Variants in GSE1 observed in about 807,000 individuals in gnomAD.
The protein encoded by GSE1 is genetic suppressor element 1.
GSE1 carries 32 observed loss-of-function variants against 112.6 expected under a neutral mutation model. That is an observed-to-expected ratio of 0.28 (90% confidence interval 0.21 to 0.38). The LOEUF (loss-of-function observed/expected upper bound fraction) is 0.38, where lower values mean the gene tolerates loss of function less well. GSE1 is among the 10% of genes least tolerant of loss of function. GSE1 has a pLI of 1.00. For missense variants in GSE1, 2,348 were observed against 1,699.2 expected, an observed-to-expected ratio of 1.38 and a Z score of -6.71; for synonymous variants, 1,115 against 735.6, an observed-to-expected ratio of 1.52 and a Z score of -8.35.
At position 85,548,140 on chromosome 16, in the gene GSE1, A is replaced by T. The variant is rs111581483; in HGVS notation, c.2465-85774A>T. Among the ~76,000 whole-genome samples the T allele has an allele frequency of 3.0e-3, 458 of 151,452 alleles. 3 individuals carry two copies. The highest frequency in any genetic ancestry group is 0.01 in the African/African-American group (433 of 41,292). On this transcript the variant is annotated intron_variant, in intron 2 of 2. Coordinates refer to the GSE1 transcript ENST00000637419. ...GCTACTCTGGAGGCTGAGGCAGGAG[A>T]ATCACTTGAACCAGGGAGTCAGAGG...
At chr16:85,314,291 C>G (rs552907475) in intron 1 of GSE1, among the ~76,000 whole-genome samples, 2 of 152,128 alleles carry the variant, frequency 1.3e-5, no homozygotes, top group African/African-American at 4.8e-5. Flanking sequence ...AATAGGGGGA[C>G]GTGAATGCTG....
At chr16:85,247,011 G>A (rs1567636922) in intron 1 of GSE1, among the ~76,000 whole-genome samples, 1 of 152,028 alleles carries the variant, frequency 6.6e-6, no homozygotes, top group Non-Finnish European at 1.5e-5. Flanking sequence ...CCCTAGAGGG[G>A]GGCACCGCCT....
chr16:85,178,451 A>G (rs1195437510), intron 1 of GSE1, among the ~76,000 whole-genome samples: 4 of 152,144 alleles, frequency 2.6e-5, no homozygotes, highest in Admixed American at 2.0e-4. Context: ...GTGTCAATCA[A>G]TCTGAATTTA....
In GSE1 at chr16:85,566,089, G is replaced by A. The variant is rs148103962; in HGVS notation, c.37+9726G>A. 4.6e-3 allele frequency among the ~76,000 whole-genome samples: 703 copies of A among 152,320 alleles called. 4 individuals are homozygous for A. Among genetic ancestry groups the A allele is most frequent in the Non-Finnish European group, 7.5e-3 (510 of 68,010 alleles). ...CCTCCTGGGGCTGCTGACAGTGTTC[G>A]ATGAGTTAACTGGCAGAAGGGAGGG... is the stretch of plus-strand genomic sequence containing the variant. On this transcript the variant is annotated intron_variant, in intron 1 of 2. Coordinates refer to the GSE1 transcript ENST00000635906.
Position 85,656,390 on chromosome 16 carries a change from A to G in GSE1, c.1037A>G (p.Glu346Gly), listed in dbSNP as rs2051940717. The G allele has an allele frequency of 6.3e-7, 1 of 1,577,346 alleles. No individual in the cohort carries two copies. Among genetic ancestry groups the G allele is most frequent in the African/African-American group, 1.4e-5 (1 of 69,534 alleles). The part of the protein sequence containing the change: ...ELRRERERER[E>G]REREREADRE... Reference sequence around the variant, plus strand: ...AGGCGGGAGAGGGAGCGCGAGCGCGAGCGCGAGCGTGAGCGTGAGGCTGAC... The same window carrying G: ...AGGCGGGAGAGGGAGCGCGAGCGCGGGCGCGAGCGTGAGCGTGAGGCTGAC... The change falls in exon 7 of 16, where the codon GAG becomes GGG. Residue 346 changes from glutamate to glycine, a missense_variant. Transcript: ENST00000253458.
intron 1 of GSE1, among the ~76,000 whole-genome samples, chr16:85,188,137 T>G (rs971664105): frequency 3.3e-5 from 5 of 152,154 alleles, no homozygotes; most frequent in African/African-American, 4.8e-5. Context: ...GGAGGGTACC[T>G]GGGATCCAGG....
At chr16:85,379,393 G>C (rs1475942965) in intron 2 of GSE1, among the ~76,000 whole-genome samples, 1 of 152,214 alleles carries the variant, frequency 6.6e-6, no homozygotes. Flanking sequence ...GAAAAACCTT[G>C]TCAGATGTAG....
At chr16:85,481,085 G>A (rs2050667567) in intron 2 of GSE1, among the ~76,000 whole-genome samples, 1 of 152,142 alleles carries the variant, frequency 6.6e-6, no homozygotes, top group African/African-American at 2.4e-5. Flanking sequence ...TCTCCAACCG[G>A]CCCTGACACC....
chr16:85,633,013 T>TGCCGCCGCC (rs71153808), intron 1 of GSE1, among the ~76,000 whole-genome samples: 1,536 of 146,200 alleles, frequency 0.011, 23 homozygotes, highest in African/African-American at 0.031. Flanking sequence ...AGACCTCTGG[T>TGCCGCCGCC]GCCGCCGCCG....
At chr16:85,383,249 C>T (rs1427744877) in intron 2 of GSE1, among the ~76,000 whole-genome samples, 1 of 152,070 alleles carries the variant, frequency 6.6e-6, no homozygotes, top group Non-Finnish European at 1.5e-5. Context: ...CACACACAGC[C>T]TGTCACACAC....
At chr16:85,633,856 C>G (rs964095236) in intron 1 of GSE1, 58 bp from the exon 2 acceptor site, 12 of 1,402,008 alleles carry the variant, frequency 8.6e-6, no homozygotes, top group African/African-American at 4.3e-5. Flanking sequence ...CGACCCTGCT[C>G]TGGTGCTGGG....
intron 2 of GSE1, among the ~76,000 whole-genome samples, chr16:85,450,906 T>G (rs1203692644): frequency 6.6e-6 from 1 of 151,878 alleles, no homozygotes; most frequent in Non-Finnish European, 1.5e-5. Context: ...GCCCCCTGTC[T>G]CTACTAAAAA....
At chr16:85,578,617 G>T (rs1457801443) in intron 1 of GSE1, among the ~76,000 whole-genome samples, 1 of 152,198 alleles carries the variant, frequency 6.6e-6, no homozygotes, top group African/African-American at 2.4e-5. Flanking sequence ...GCCAGGAGGT[G>T]GTAGATGCAG....
At chr16:85,455,082 A>G (rs1428080455) in intron 2 of GSE1, among the ~76,000 whole-genome samples, 1 of 152,244 alleles carries the variant, frequency 6.6e-6, no homozygotes, top group Non-Finnish European at 1.5e-5. Flanking sequence ...CGTAAGCATC[A>G]GAGGAGCGGG....
At chr16:85,662,886 C>CT (rs2052546067) in intron 9 of GSE1, 95 bp from the exon 10 acceptor site, 4 of 873,336 alleles carry the variant, frequency 4.6e-6, no homozygotes, top group Admixed American at 1.9e-5. Context: ...CAGGCCTGGC[C>CT]TGATAGGTGC....
At chr16:85,612,484 A>C (rs2048055983), upstream of GSE1, among the ~76,000 whole-genome samples, 1 of 151,936 alleles carries the variant, frequency 6.6e-6, no homozygotes, top group African/African-American at 2.4e-5. Flanking sequence ...TCTGACCGCA[A>C]CCCCAGCTAC....
intron 2 of GSE1, among the ~76,000 whole-genome samples, chr16:85,438,202 T>TAC (rs975762331): frequency 2.2e-4 from 33 of 152,218 alleles, no homozygotes; most frequent in African/African-American, 6.5e-4. Context: ...AGACACTCTG[T>TAC]AGAGTGTGTG....
intron 2 of GSE1, among the ~76,000 whole-genome samples, chr16:85,374,770 T>A (rs2047382609): frequency 6.6e-6 from 1 of 152,108 alleles, no homozygotes; most frequent in Admixed American, 6.5e-5. Context: ...GCCCACGCAG[T>A]TTCGGGACCC....
chr16:85,544,192 GC>G (rs558800051), intron 2 of GSE1, among the ~76,000 whole-genome samples: 279 of 152,262 alleles, frequency 1.8e-3, no homozygotes, highest in Non-Finnish European at 2.5e-3. Context: ...GTGGGTCGAG[GC>G]CGGGGATGTT....
Sources: allele counts gnomAD v4.1 joint callset (sites outside exome capture counted in the v4.1 genomes callset), GRCh38; gene constraint gnomAD v4.1.1; transcripts MANE v1.5; gene names NCBI Gene and HGNC (gene_info 2026-07-23, HGNC 2026-07-21).